Variants in GALNT6 observed in about 807,000 individuals in gnomAD.
GALNT6 encodes GalNAc transferase 6.
A neutral mutation model predicts 65.9 loss-of-function variants in GALNT6; 51 were observed. The ratio of observed to expected loss-of-function variants is 0.77; its 90% confidence interval spans 0.62 to 0.98. The LOEUF is 0.98. GALNT6 is among the 50% of genes least tolerant of loss of function. GALNT6 has a pLI of 0.00. For missense variants in GALNT6, 708 were observed against 803.3 expected, an observed-to-expected ratio of 0.88 and a Z score of 1.43; for synonymous variants, 323 against 315.1, an observed-to-expected ratio of 1.02 and a Z score of -0.26.
intron 4 of GALNT6, among the ~76,000 whole-genome samples, chr12:51,366,187 G>A (rs904966599): frequency 3.3e-5 from 5 of 152,156 alleles, no homozygotes; most frequent in African/African-American, 1.2e-4. Context: ...CAAAGTTCTG[G>A]GATTACAGGC....
intron 2 of GALNT6, among the ~76,000 whole-genome samples, chr12:51,380,888 T>C (rs1297987268): frequency 2.0e-5 from 3 of 152,150 alleles, no homozygotes; most frequent in African/African-American, 7.2e-5. Context: ...GACTTCAAAG[T>C]GTTTTTTTCT....
chr12:51,372,839 A>C (rs1947332216), intron 4 of GALNT6, among the ~76,000 whole-genome samples: 1 of 152,240 alleles, frequency 6.6e-6, no homozygotes, highest in Non-Finnish European at 1.5e-5. Flanking sequence ...CCCCACGTCC[A>C]AGGCTACGGG....
chr12:51,388,318 C>A (rs1292470643), intron 2 of GALNT6, among the ~76,000 whole-genome samples: 1 of 152,230 alleles, frequency 6.6e-6, no homozygotes, highest in Non-Finnish European at 1.5e-5. Flanking sequence ...ATCAGGACAG[C>A]CGTATTCATA....
Position 51,357,378 on chromosome 12 carries a change from A to C in GALNT6, c.1573T>G (p.Tyr525Asp). ...TTGCCGCCAAGGCCGTGGCAGGAGT[A>C]CATGATGAGGGGCTTCCCCCCGCGG... The part of the protein sequence containing the change: ...NNRGGKPLIM[Y>D]SCHGLGGNQY... Residue 525 changes from tyrosine (Y) to aspartate (D), a missense_variant, in exon 10 of 12, where the codon TAC (tyrosine) becomes GAC (aspartate). By Grantham distance (160) the Tyr-to-Asp change is radical. Transcript: ENST00000356317. The C allele has an allele frequency of 6.2e-7, 1 of 1,613,872 alleles. No homozygotes were observed. The highest frequency in any genetic ancestry group is 8.5e-7 in the Non-Finnish European group (1 of 1,179,748).
In GALNT6 at chr12:51,358,211, G is replaced by T. The variant is rs779146238; in HGVS notation, c.1419C>A (p.His473Gln). ...SERLQLREQL[H>Q]CHNFSWYLHN... ...GCAGGTACCAGGAAAAGTTGTGACAGTGCAGTTGTTCCCTCAGCTGCAGTC... is the reference window on the plus strand; with the variant it reads ...GCAGGTACCAGGAAAAGTTGTGACATTGCAGTTGTTCCCTCAGCTGCAGTC... Residue 473 changes from histidine (H) to glutamine (Q), a missense_variant, in exon 9 of 12, where the codon CAC becomes CAA. Transcript: ENST00000356317. 2.0e-5 allele frequency: 33 copies of T among 1,613,568 alleles called. No individual in the cohort carries two copies. In the Admixed American group the frequency reaches 5.3e-4, roughly 26 times the overall value.
At chr12:51,370,189 G>T (rs541618293) in intron 4 of GALNT6, among the ~76,000 whole-genome samples, 149 of 152,358 alleles carry the variant, frequency 9.8e-4, no homozygotes, top group Non-Finnish European at 1.8e-3. Context: ...GTGTCCATCA[G>T]CGAATGAACG....
rs141873500 is a variant in GALNT6 at position 51,379,559 on chromosome 12, C to T, written c.223G>A (p.Ala75Thr). Residue 75 changes from alanine to threonine, a missense_variant, in exon 3 of 12, where the codon GCT (alanine) becomes ACT (threonine). Coordinates refer to ENST00000356317, the MANE Select transcript of GALNT6 (RefSeq NM_007210.4). ...RDSMPKLQIR[A>T]PEAQQTLFSI... ...AACAGAGTCTGCTGGGCTTCTGGAG[C>T]CCTGATTTGGAGCTTGGGCATTGAA... The T allele has an allele frequency of 1.1e-4, 181 of 1,614,106 alleles. No individual in the cohort carries two copies. In the African/African-American group the frequency reaches 2.1e-3, roughly 18 times the overall value.
In GALNT6 at chr12:51,381,024, G is replaced by A. The variant is rs149889999; in HGVS notation, c.-103-1140C>T. Among the ~76,000 whole-genome samples, 10 of 152,128 alleles carry A rather than the reference G, an allele frequency of 6.6e-5. No homozygotes were observed. The East Asian group carries it at 1.9e-3, about 29-fold the overall frequency. On this transcript the variant is annotated intron_variant, in intron 2 of 11. Transcript: ENST00000356317. ...GAGGCTGAGGTGGGAGGATCGCTTG[G>A]GCCCAGGAGTTCAAGACCAGTCTGC...
At chr12:51,362,625 G>A (rs911203143) in intron 6 of GALNT6, among the ~76,000 whole-genome samples, 1 of 148,946 alleles carries the variant, frequency 6.7e-6, no homozygotes, top group Admixed American at 6.7e-5. Flanking sequence ...TGTGTGCCTG[G>A]TCACTGGCAT....
At chr12:51,389,964 A>G (rs1169139400) in intron 2 of GALNT6, among the ~76,000 whole-genome samples, 1 of 152,038 alleles carries the variant, frequency 6.6e-6, no homozygotes, top group East Asian at 1.9e-4. Context: ...TCTCCTGCAC[A>G]CTTCCCTCTT....
At chr12:51,389,141 T>C (rs149168841) in intron 2 of GALNT6, among the ~76,000 whole-genome samples, 82 of 152,296 alleles carry the variant, frequency 5.4e-4, no homozygotes, top group African/African-American at 1.9e-3. Context: ...CAAATGAGAA[T>C]GAACATTTGG....
intron 4 of GALNT6, among the ~76,000 whole-genome samples, chr12:51,375,097 A>G (rs970626144): frequency 6.6e-6 from 1 of 151,952 alleles, no homozygotes; most frequent in Admixed American, 6.6e-5. Context: ...GGCTGTCTTG[A>G]ACTCCTGGGC....
chr12:51,364,500 A>G, intron 5 of GALNT6, 145 bp from the exon 6 acceptor site: 1 of 628,788 alleles, frequency 1.6e-6, no homozygotes. Context: ...TACAGGGAGC[A>G]CACAGAATTT....
intron 2 of GALNT6, among the ~76,000 whole-genome samples, chr12:51,386,678 T>TA (rs1294476182): frequency 6.6e-6 from 1 of 152,074 alleles, no homozygotes; most frequent in Non-Finnish European, 1.5e-5. Flanking sequence ...TCACCACTCT[T>TA]ACCACGGGCA....
In GALNT6 at chr12:51,379,399, A is replaced by AG. The variant is rs751766856; in HGVS notation, c.382dup (p.Leu128ProfsTer11). ...GCCTTCTTCCTTTTCCTGGGTCTCC[A>AG]GGGGGGTCCACTTGCTCTTCTGAAA... On this transcript the variant is annotated frameshift_variant, in exon 3 of 12. Coordinates refer to ENST00000356317, the MANE Select transcript of GALNT6 (RefSeq NM_007210.4). LOFTEE classifies it high-confidence loss of function. The AG allele has an allele frequency of 1.1e-5, 17 of 1,605,740 alleles. No homozygotes were observed. Among genetic ancestry groups the AG allele is most frequent in the Non-Finnish European group, 4.3e-6 (5 of 1,176,126 alleles).
rs552586097 is a variant in GALNT6, at chr12:51,357,830, C to T, written c.1500+300G>A. Among the ~76,000 whole-genome samples the T allele has an allele frequency of 7.4e-4, 112 of 152,294 alleles. 1 individual carries two copies. Among genetic ancestry groups the T allele is most frequent in the Non-Finnish European group, 1.4e-3 (96 of 68,014 alleles). On this transcript the variant is annotated intron_variant, in intron 9 of 11. Coordinates refer to ENST00000356317, the MANE Select transcript of GALNT6 (RefSeq NM_007210.4). Reference sequence around the variant, plus strand: ...TGAGAAATGCAAGTTTTCAGACCTCCCCTGAGTCCTTCTGAATCAGGAACT... The same window carrying T: ...TGAGAAATGCAAGTTTTCAGACCTCTCCTGAGTCCTTCTGAATCAGGAACT...
intron 4 of GALNT6, among the ~76,000 whole-genome samples, chr12:51,369,117 C>T (rs562655124): frequency 1.8e-4 from 27 of 152,292 alleles, no homozygotes; most frequent in South Asian, 8.3e-4. Flanking sequence ...AGGAAGTTCA[C>T]GGTAGTGGAG....
chr12:51,368,529 C>T (rs750278422), intron 4 of GALNT6, among the ~76,000 whole-genome samples: 5 of 151,922 alleles, frequency 3.3e-5, no homozygotes, highest in Non-Finnish European at 7.4e-5. Flanking sequence ...TTCAGCCTCC[C>T]AAGTAGCTGA....
chr12:51,356,241 A>G (rs552509882), intron 10 of GALNT6, among the ~76,000 whole-genome samples: 1 of 150,448 alleles, frequency 6.6e-6, no homozygotes, highest in African/African-American at 2.4e-5. Flanking sequence ...GGGTCTTGCT[A>G]TGTTGCCCAA....
Sources: gnomAD v4.1 joint callset for allele counts (sites outside exome capture counted in the v4.1 genomes callset) on GRCh38, gnomAD v4.1.1 for gene constraint, MANE v1.5 for transcripts, NCBI Gene and HGNC (gene_info 2026-07-23, HGNC 2026-07-21) for gene names.